The following SDK1 variants were observed in gnomAD, a reference collection of about 807,000 sequenced individuals.
SDK1 encodes the protein sidekick cell adhesion molecule 1, also known as protein sidekick-1.
SDK1 carries 157 observed loss-of-function variants against 245.5 expected under a neutral mutation model. The observed-to-expected ratio is 0.64, with a 90% CI of 0.56 to 0.73. The LOEUF is 0.73. Ranked by LOEUF, SDK1 falls within the 30% of genes least tolerant of loss-of-function variation. The probability of loss-of-function intolerance (pLI) is 0.00; values close to 1 mark genes in which losing one functional copy is unlikely to be tolerated. For synonymous variants in SDK1, 1,647 were observed against 1,278.5 expected (o/e 1.29, Z -6.15); for missense variants, 3,583 against 3,002.3 (o/e 1.19, Z -4.52).
chr7:3,350,076 A>C (rs564194543), intron 1 of SDK1, among the ~76,000 whole-genome samples: 1 of 152,278 alleles, frequency 6.6e-6, no homozygotes, highest in African/African-American at 2.4e-5. Flanking sequence ...AGGTCATGCT[A>C]TTGGTGATGG....
At chr7:3,542,550 A>G (rs1201050374) in intron 1 of SDK1, among the ~76,000 whole-genome samples, 2 of 152,344 alleles carry the variant, frequency 1.3e-5, no homozygotes, top group South Asian at 2.1e-4. Context: ...GTAGGTTAGC[A>G]TTTAATAAGT....
chr7:3,534,920 G>A lies in SDK1; in HGVS notation c.299-84160G>A, dbSNP rs117538250. 3.0e-3 allele frequency among the ~76,000 whole-genome samples: 452 copies of A among 152,218 alleles called. 9 individuals carry two copies. In the East Asian group the frequency reaches 0.041, roughly 14 times the overall value. ...TACAGTAAGGAGCAGACAAGACAGC[G>A]CCAGTCAGTGGACAGCTCATTTGCA... is the stretch of plus-strand genomic sequence containing the variant. On this transcript the variant is annotated intron_variant, in intron 1 of 44. Coordinates refer to ENST00000404826, the MANE Select transcript of SDK1 (RefSeq NM_152744.4).
rs540243761 is a variant in SDK1, at chr7:3,796,523, C to T, written c.714-24927C>T. 1.2e-4 allele frequency among the ~76,000 whole-genome samples: 18 copies of T among 152,274 alleles called. 1 individual carries two copies. Among genetic ancestry groups the T allele is most frequent in the Admixed American group, 7.2e-4 (11 of 15,300 alleles). ...CATTCATCAGTAATGCCCCTCTCCC[C>T]CCCAGCCTACAATCCATTCCAGGAC... On this transcript the variant is annotated intron_variant, in intron 4 of 44. Coordinates refer to ENST00000404826, the MANE Select transcript of SDK1 (RefSeq NM_152744.4).
intron 1 of SDK1, among the ~76,000 whole-genome samples, chr7:3,552,976 T>A (rs1779463898): frequency 6.6e-6 from 1 of 152,184 alleles, no homozygotes; most frequent in African/African-American, 2.4e-5. Context: ...CTTATTACAT[T>A]TTTTATCATA....
In SDK1 at chr7:3,984,404, C is replaced by G. The variant is rs1373114500; in HGVS notation, c.1995-2782C>G. Among the ~76,000 whole-genome samples, 7 of 152,316 alleles carry G rather than the reference C, an allele frequency of 4.6e-5. 1 individual carries two copies. The highest frequency in any genetic ancestry group is 3.9e-4 in the East Asian group (2 of 5,180). On this transcript the variant is annotated intron_variant, in intron 13 of 44. Transcript: ENST00000404826. ...GGCTAAGAGAAGCGTGATTTGAAAT[C>G]AAGTGCAAGAGGCCGCATTTTCACC... is the stretch of plus-strand genomic sequence containing the variant.
intron 1 of SDK1, among the ~76,000 whole-genome samples, chr7:3,387,703 T>C (rs1436111777): frequency 6.6e-6 from 1 of 152,246 alleles, no homozygotes; most frequent in Non-Finnish European, 1.5e-5. Flanking sequence ...ACTGTACATT[T>C]AATGTTTAAG....
intron 4 of SDK1, among the ~76,000 whole-genome samples, chr7:3,799,918 T>C (rs1451453485): frequency 6.6e-6 from 1 of 152,138 alleles, no homozygotes; most frequent in Non-Finnish European, 1.5e-5. Context: ...CTTTTCTTTC[T>C]TTGTCTCCTG....
In SDK1 at chr7:3,962,731, G is replaced by A. The variant is rs1265707793; in HGVS notation, c.1309G>A (p.Val437Met). 1.2e-6 allele frequency: 2 copies of A among 1,613,776 alleles called. No homozygotes were observed. Among genetic ancestry groups the A allele is most frequent in the Admixed American group, 1.7e-5 (1 of 60,002 alleles). ...ISRLQNPRYK[V>M]LASGGLRIQK... ...CAGGCTCCAGAATCCTCGATACAAA[G>A]TGCTCGCCAGCGGAGGCCTGCGCAT... The change falls in exon 9 of 45, where the codon GTG (valine) becomes ATG (methionine). Residue 437 changes from valine to methionine, a missense_variant. Physicochemically the swap from Val to Met is conservative, Grantham distance 21 (BLOSUM62 1). Transcript: ENST00000404826.
intron 41 of SDK1, among the ~76,000 whole-genome samples, chr7:4,236,123 C>G (rs1216049028): frequency 7.9e-5 from 12 of 152,226 alleles, no homozygotes; most frequent in African/African-American, 2.2e-4. Flanking sequence ...GCACACATCC[C>G]CTATTCGTGA....
At position 3,962,633 on chromosome 7, in the gene SDK1, CTATT is replaced by C. The variant is rs1361223489; in HGVS notation, c.1235-19_1235-16del. The C allele has an allele frequency of 2.6e-6, 4 of 1,554,606 alleles. No individual in the cohort carries two copies. The highest frequency in any genetic ancestry group is 3.5e-6 in the Non-Finnish European group (4 of 1,144,252). On this transcript the variant is annotated intron_variant, in intron 8 of 44. Coordinates refer to ENST00000404826, the MANE Select transcript of SDK1 (RefSeq NM_152744.4). ...CACGTCAGGAATTATTTTTAAAATCCTATTTATTCCCATTCCTACGCAGGGGTCC... is the reference window on the plus strand; with the variant it reads ...CACGTCAGGAATTATTTTTAAAATCCTATTCCCATTCCTACGCAGGGGTCC...
intron 4 of SDK1, among the ~76,000 whole-genome samples, chr7:3,711,061 T>C (rs1235515973): frequency 2.0e-5 from 3 of 152,196 alleles, no homozygotes; most frequent in Non-Finnish European, 4.4e-5. Flanking sequence ...TATAATTTGA[T>C]GGCAACTTAT....
At chr7:3,414,777 A>T (rs900459071) in intron 1 of SDK1, among the ~76,000 whole-genome samples, 6 of 152,104 alleles carry the variant, frequency 3.9e-5, no homozygotes, top group Non-Finnish European at 8.8e-5. Context: ...GGCAACCGCT[A>T]ATCTACTTGC....
intron 22 of SDK1, among the ~76,000 whole-genome samples, chr7:4,083,069 A>T (rs36066771): frequency 0.3 from 45,538 of 151,322 alleles, 8,957 homozygotes; most frequent in African/African-American, 0.57. Flanking sequence ...TCAAATTGTT[A>T]AAAAAAAATG....
At chr7:4,141,797 C>G (rs1330777959) in intron 28 of SDK1, among the ~76,000 whole-genome samples, 1 of 152,182 alleles carries the variant, frequency 6.6e-6, no homozygotes, top group Non-Finnish European at 1.5e-5. Flanking sequence ...CGCTCAGTCG[C>G]CCAGGCTGGA....
intron 1 of SDK1, among the ~76,000 whole-genome samples, chr7:3,323,269 C>T (rs1264678902): frequency 6.6e-6 from 1 of 152,166 alleles, no homozygotes; most frequent in East Asian, 1.9e-4. Context: ...TTCCCTGCAT[C>T]CGGCACAGTA....
chr7:3,821,143 C>T (rs929641105), intron 4 of SDK1, among the ~76,000 whole-genome samples: 2 of 152,110 alleles, frequency 1.3e-5, no homozygotes, highest in Non-Finnish European at 1.5e-5. Flanking sequence ...AGAGGAGGAA[C>T]CTCTGAGTTT....
At chr7:3,997,500 C>G (rs1458117340) in intron 14 of SDK1, among the ~76,000 whole-genome samples, 6 of 151,944 alleles carry the variant, frequency 3.9e-5, no homozygotes, top group Non-Finnish European at 8.8e-5. Context: ...AGTAGCTTCT[C>G]TCTGCGGCTG....
chr7:3,424,424 A>G (rs1279440468), intron 1 of SDK1, among the ~76,000 whole-genome samples: 2 of 152,208 alleles, frequency 1.3e-5, no homozygotes, highest in Admixed American at 6.5e-5. Flanking sequence ...TAAGAAGTTT[A>G]TGAACTTTGT....
intron 1 of SDK1, among the ~76,000 whole-genome samples, chr7:3,551,619 C>G (rs1046290829): frequency 2.0e-5 from 3 of 151,522 alleles, no homozygotes; most frequent in Non-Finnish European, 4.4e-5. Context: ...CCAGAAACAT[C>G]AATTTGGCTG....
Sources: gnomAD v4.1 joint callset for allele counts (sites outside exome capture counted in the v4.1 genomes callset) on GRCh38, gnomAD v4.1.1 for gene constraint, MANE v1.5 for transcripts, NCBI Gene and HGNC (gene_info 2026-07-23, HGNC 2026-07-21) for gene names.